Variants in LITAF observed in about 807,000 individuals in gnomAD.
LITAF encodes lipopolysaccharide-induced tumor necrosis factor-alpha factor.
A neutral mutation model predicts 14.5 loss-of-function variants in LITAF; 9 were observed. The observed-to-expected ratio is 0.62, with a 90% CI of 0.37 to 1.08. LITAF has a LOEUF of 1.08. Among genes scored for constraint, LITAF ranks in the 50% least tolerant of loss-of-function variants. The probability of loss-of-function intolerance (pLI) is 0.01; values close to 1 mark genes in which losing one functional copy is unlikely to be tolerated. For synonymous variants in LITAF, 98 were observed against 88.2 expected (o/e 1.11, Z -0.62); for missense variants, 206 against 213.4 (o/e 0.97, Z 0.22).
At chr16:11,565,628 G>A (rs2064439369) in intron 1 of LITAF, among the ~76,000 whole-genome samples, 1 of 151,958 alleles carries the variant, frequency 6.6e-6, no homozygotes, top group East Asian at 1.9e-4. Flanking sequence ...TTGTGCTCTT[G>A]ACTAGCGCGA....
At chr16:11,600,928 A>C (rs1195359988), upstream of LITAF, among the ~76,000 whole-genome samples, 1 of 152,124 alleles carries the variant, frequency 6.6e-6, no homozygotes, top group African/African-American at 2.4e-5. The surrounding 1 kb of genome is among the most constrained non-coding windows in gnomAD (Gnocchi z 4.1). Context: ...GATACAAGCT[A>C]TAATACAGGC....
At chr16:11,557,327 G>C (rs749321941) in intron 1 of LITAF, among the ~76,000 whole-genome samples, 2 of 151,106 alleles carry the variant, frequency 1.3e-5, no homozygotes, top group Non-Finnish European at 2.9e-5. Flanking sequence ...GGGCCTTTGC[G>C]GGGGGCGGGT....
At chr16:11,550,337 G>A (rs1427063332) in intron 3 of LITAF, among the ~76,000 whole-genome samples, 4 of 152,110 alleles carry the variant, frequency 2.6e-5, no homozygotes, top group East Asian at 1.9e-4. Flanking sequence ...TGATCCACCC[G>A]CCTTGGCCTC....
upstream of LITAF, among the ~76,000 whole-genome samples, chr16:11,588,718 A>G (rs2064830745): frequency 6.6e-6 from 1 of 152,146 alleles, no homozygotes; most frequent in Admixed American, 6.5e-5. Context: ...ACATTAAGAC[A>G]GAATATCACA....
rs529275422 is a variant in LITAF at position 11,563,700 on chromosome 16, C to T, written c.-5-6965G>A. ...GCTTCTTAGTAAACAGGCAATAGAA[C>T]GTTAATGATCAGCCGAGGATGGAAA... On this transcript the variant is annotated intron_variant, in intron 1 of 3. Transcript: ENST00000622633. Among the ~76,000 whole-genome samples the T allele has an allele frequency of 5.9e-5, 9 of 152,140 alleles. No homozygotes were observed. The South Asian group carries it at 1.2e-3, about 21-fold the overall frequency.
At chr16:11,565,467 G>A (rs1000853190) in intron 1 of LITAF, among the ~76,000 whole-genome samples, 6 of 150,728 alleles carry the variant, frequency 4.0e-5, no homozygotes, top group South Asian at 2.1e-4. Flanking sequence ...GGGGAGGTGC[G>A]GGGAGGAGAC....
At chr16:11,618,551 G>C (rs545710076) in intron 3 of LITAF, among the ~76,000 whole-genome samples, 1 of 152,252 alleles carries the variant, frequency 6.6e-6, no homozygotes, top group East Asian at 1.9e-4. Flanking sequence ...TGGGCTCCCC[G>C]GGCTTTCGCT....
upstream of LITAF, among the ~76,000 whole-genome samples, chr16:11,588,853 C>T (rs531389645): frequency 1.3e-5 from 2 of 150,036 alleles, no homozygotes; most frequent in Admixed American, 6.6e-5. Context: ...CCAACCTTTT[C>T]TCCTTCCTTC....
At chr16:11,596,638 A>G (rs2064889860) in intron 1 of LITAF, among the ~76,000 whole-genome samples, 1 of 49,048 alleles carries the variant, frequency 2.0e-5, no homozygotes. Context: ...AGAGGAGGGG[A>G]AAAGGATGAG....
chr16:11,628,742 T>A (rs1485078968), intron 3 of LITAF, among the ~76,000 whole-genome samples: 1 of 152,120 alleles, frequency 6.6e-6, no homozygotes, highest in African/African-American at 2.4e-5. Context: ...AGTGGCGTGT[T>A]CTCAGCTCAC....
At chr16:11,591,490 G>T (rs548064810), upstream of LITAF, among the ~76,000 whole-genome samples, 2 of 152,082 alleles carry the variant, frequency 1.3e-5, no homozygotes, top group African/African-American at 4.8e-5. Context: ...TGGCCCACAC[G>T]TTCTGATTTT....
chr16:11,585,230 C>CAAAA (rs35542925), intron 1 of LITAF, among the ~76,000 whole-genome samples: 8 of 90,672 alleles, frequency 8.8e-5, no homozygotes, highest in African/African-American at 1.6e-4. Context: ...GACTCTGTCT[C>CAAAA]AAAAAAAAAA....
At chr16:11,597,958 G>A (rs1395996241) in intron 1 of LITAF, among the ~76,000 whole-genome samples, 3 of 152,168 alleles carry the variant, frequency 2.0e-5, no homozygotes, top group Admixed American at 1.3e-4. Context: ...CCAGGCTGGA[G>A]TGCAGTGGCG....
upstream of LITAF, among the ~76,000 whole-genome samples, chr16:11,590,652 T>C (rs1158346943): frequency 2.5e-5 from 3 of 118,218 alleles, 1 homozygote; most frequent in Admixed American, 2.5e-4. Flanking sequence ...GCTAGCCACG[T>C]TGATGTGTAA....
chr16:11,579,300 A>C (rs1328217065), intron 1 of LITAF, among the ~76,000 whole-genome samples: 3 of 150,242 alleles, frequency 2.0e-5, no homozygotes, highest in Non-Finnish European at 4.4e-5. Flanking sequence ...AAATACAAAA[A>C]ATTAGCCGGG....
rs185997953 is a variant in LITAF, at chr16:11,605,188, C to T, written c.85+28345G>A. 9.6e-4 allele frequency among the ~76,000 whole-genome samples: 146 copies of T among 152,258 alleles called. No homozygotes were observed. The highest frequency in any genetic ancestry group is 7.7e-3 in the East Asian group (40 of 5,186). ...AACAGGGAGCCCAAGCTCTCAGCATCCCCCCAGCCAGCTCTGGATGGAGGA... is the reference window on the plus strand; with the variant it reads ...AACAGGGAGCCCAAGCTCTCAGCATTCCCCCAGCCAGCTCTGGATGGAGGA... On this transcript the variant is annotated intron_variant, in intron 3 of 3. Transcript: ENST00000574848. This position sits in a 1 kb window ranked among gnomAD's most constrained non-coding sequence, Gnocchi z 4.7.
At chr16:11,587,353 G>A (rs1237052519), upstream of LITAF, 4 of 451,290 alleles carry the variant, frequency 8.9e-6, no homozygotes, top group Non-Finnish European at 1.8e-5. Context: ...CCCCGGACCC[G>A]CGCTGGGGCG....
chr16:11,638,018 ATATAT>A (rs2065147847), upstream of LITAF, among the ~76,000 whole-genome samples: 1 of 65,370 alleles, frequency 1.5e-5, no homozygotes, highest in Non-Finnish European at 2.8e-5. Flanking sequence ...ATATATCTAT[ATATAT>A]CTATATATCT....
rs979848756 is a variant in LITAF at position 11,553,906 on chromosome 16, T to C, written c.221-217A>G. ...ACCAATAAACTAACACAGCGAAGTT[T>C]ATCCATCCACCAGAATATGATTCAG... On this transcript the variant is annotated intron_variant, in intron 2 of 3. Coordinates refer to ENST00000622633, the MANE Select transcript of LITAF (RefSeq NM_001136472.2). The surrounding 1 kb of genome is among the most constrained non-coding windows in gnomAD (Gnocchi z 7.7). Among the ~76,000 whole-genome samples, 2 of 151,950 alleles carry C rather than the reference T, an allele frequency of 1.3e-5. No homozygotes were observed. The highest frequency in any genetic ancestry group is 6.6e-5 in the Admixed American group (1 of 15,260).
Sources: allele counts gnomAD v4.1 joint callset (sites outside exome capture counted in the v4.1 genomes callset), GRCh38; gene constraint gnomAD v4.1.1; non-coding constraint Gnocchi (gnomAD v3.1); transcripts MANE v1.5; gene names NCBI Gene and HGNC (gene_info 2026-07-23, HGNC 2026-07-21).